PLD5: variants seen among roughly 807,000 people sequenced by gnomAD.
PLD5 encodes inactive phospholipase D5.
In PLD5, 36 loss-of-function variants were observed where a neutral mutation model predicts 61.1. The ratio of observed to expected loss-of-function variants is 0.59; its 90% CI spans 0.45 to 0.78. The LOEUF is 0.78. PLD5 is among the 30% of genes least tolerant of loss of function. The pLI, the probability that PLD5 is intolerant of heterozygous loss-of-function variation, is 0.00. For synonymous variants in PLD5, 243 were observed against 242.8 expected (o/e 1.00, Z -0.01); for missense variants, 515 against 644.4 (o/e 0.80, Z 2.17).
chr1:242,465,136 T>G (rs1667236256), intron 1 of PLD5, among the ~76,000 whole-genome samples: 1 of 152,238 alleles, frequency 6.6e-6, no homozygotes, highest in African/African-American at 2.4e-5. Flanking sequence ...ATGGCTCATT[T>G]TAGGCTACAT....
chr1:242,385,762 T>C (rs1662561867), intron 1 of PLD5, among the ~76,000 whole-genome samples: 2 of 152,184 alleles, frequency 1.3e-5, no homozygotes, highest in Admixed American at 1.3e-4. Context: ...TTAAAATAAA[T>C]GTAGAAGAAA....
intron 1 of PLD5, among the ~76,000 whole-genome samples, chr1:242,440,382 C>T (rs1274872595): frequency 6.6e-6 from 1 of 152,074 alleles, no homozygotes; most frequent in Non-Finnish European, 1.5e-5. Context: ...TTGGAATGAC[C>T]CCTTAGAATG....
intron 1 of PLD5, among the ~76,000 whole-genome samples, chr1:242,438,165 C>T (rs897783297): frequency 7.2e-5 from 11 of 152,108 alleles, no homozygotes; most frequent in African/African-American, 2.7e-4. Context: ...TCCCTAAACT[C>T]TCCTCTGGAT....
At chr1:242,330,001 T>A (rs1224683417) in intron 2 of PLD5, among the ~76,000 whole-genome samples, 1 of 152,216 alleles carries the variant, frequency 6.6e-6, no homozygotes, top group African/African-American at 2.4e-5. Flanking sequence ...TCCCACAGTT[T>A]AAACTGCATA....
intron 5 of PLD5, among the ~76,000 whole-genome samples, chr1:242,125,785 T>C (rs1028942771): frequency 1.3e-5 from 2 of 152,146 alleles, no homozygotes; most frequent in African/African-American, 4.8e-5. Flanking sequence ...ATCTACCATG[T>C]ATGAACCTGT....
intron 1 of PLD5, among the ~76,000 whole-genome samples, chr1:242,355,674 T>C (rs1415812534): frequency 6.6e-6 from 1 of 151,818 alleles, no homozygotes; most frequent in East Asian, 1.9e-4. Flanking sequence ...TTTTATGTTT[T>C]CTTAAGGTGT....
At chr1:242,361,306 A>G (rs4491052) in intron 1 of PLD5, among the ~76,000 whole-genome samples, 5,378 of 152,268 alleles carry the variant, frequency 0.035, 223 homozygotes, top group African/African-American at 0.096. Flanking sequence ...CTATAACAAT[A>G]TAAGGTCATG....
chr1:242,470,875 C>T (rs1167445951), intron 1 of PLD5, among the ~76,000 whole-genome samples: 3 of 152,240 alleles, frequency 2.0e-5, no homozygotes, highest in African/African-American at 4.8e-5. Flanking sequence ...GCTCCGCTTG[C>T]TTGTATCCTG....
chr1:242,428,522 CTT>C (rs1665551762), intron 1 of PLD5, among the ~76,000 whole-genome samples: 2 of 152,294 alleles, frequency 1.3e-5, no homozygotes, highest in African/African-American at 4.8e-5. Context: ...AGTCTCCTGT[CTT>C]TGCAAAATGT....
intron 1 of PLD5, among the ~76,000 whole-genome samples, chr1:242,416,344 T>C (rs575990696): frequency 6.6e-6 from 1 of 152,230 alleles, no homozygotes; most frequent in Non-Finnish European, 1.5e-5. Flanking sequence ...TGTTTGAAAT[T>C]TTCTATGTCA....
chr1:242,524,965 T>C (rs897894727), upstream of PLD5, among the ~76,000 whole-genome samples: 2 of 151,902 alleles, frequency 1.3e-5, no homozygotes, highest in Non-Finnish European at 2.9e-5. Flanking sequence ...TCCTCGGTCC[T>C]GCTGGCTGAG....
chr1:242,524,342 C>T lies in PLD5; in HGVS notation c.-66G>A, dbSNP rs1166007696. Reference sequence around the variant, plus strand: ...GGACGGGCGCGCGGGGAGCCGGGCGCGGAGGGCGAGCGGGAGGCCCAGCGG... The same window carrying T: ...GGACGGGCGCGCGGGGAGCCGGGCGTGGAGGGCGAGCGGGAGGCCCAGCGG... On this transcript the variant is annotated 5_prime_UTR_variant, in exon 1 of 10. Coordinates refer to ENST00000536534, the MANE Select transcript of PLD5 (RefSeq NM_001372062.1). 2 of 1,328,334 alleles carry T rather than the reference C, an allele frequency of 1.5e-6. No homozygotes were observed. The highest frequency in any genetic ancestry group is 1.9e-6 in the Non-Finnish European group (2 of 1,040,328). 82.3% of individuals were successfully genotyped at this position (1,328,334 alleles called of 1,614,324 possible).
chr1:242,355,176 T>A (rs1179428902), intron 1 of PLD5, among the ~76,000 whole-genome samples: 1 of 152,208 alleles, frequency 6.6e-6, no homozygotes, highest in Non-Finnish European at 1.5e-5. Flanking sequence ...GTGATTTTTT[T>A]AGAAAAGTCA....
At chr1:242,223,337 T>C (rs1008803458) in intron 4 of PLD5, among the ~76,000 whole-genome samples, 29 of 152,274 alleles carry the variant, frequency 1.9e-4, no homozygotes, top group Admixed American at 1.6e-3. Context: ...TGGAGCACAG[T>C]AGTGTCATCT....
chr1:242,432,969 A>G (rs1898899), intron 1 of PLD5, among the ~76,000 whole-genome samples: 6,489 of 152,214 alleles, frequency 0.043, 185 homozygotes, highest in Admixed American at 0.081. Context: ...TCTCGTTCCC[A>G]TGTCAAAGTT....
chr1:242,511,315 C>G (rs1214766225), intron 1 of PLD5, among the ~76,000 whole-genome samples: 11 of 152,102 alleles, frequency 7.2e-5, no homozygotes, highest in Admixed American at 7.2e-4. Flanking sequence ...CAAAAAATTA[C>G]AAAGAATAAA....
At chr1:242,232,961 C>G (rs964034842) in intron 4 of PLD5, among the ~76,000 whole-genome samples, 1 of 152,138 alleles carries the variant, frequency 6.6e-6, no homozygotes, top group Admixed American at 6.5e-5. Flanking sequence ...TCGAGACCAG[C>G]CTGGCCAATA....
intron 1 of PLD5, among the ~76,000 whole-genome samples, chr1:242,486,403 T>C (rs1158323929): frequency 6.6e-6 from 1 of 152,036 alleles, no homozygotes; most frequent in Non-Finnish European, 1.5e-5. Context: ...GGGCGAAGGA[T>C]ATGAACAGAC....
In PLD5 at chr1:242,229,968, T is replaced by C. The variant is rs532970425; in HGVS notation, c.608-9853A>G. 2.6e-5 allele frequency among the ~76,000 whole-genome samples: 4 copies of C among 151,740 alleles called. No individual in the cohort carries two copies. The South Asian group carries it at 8.4e-4, about 32-fold the overall frequency. ...CCATTCAGTTCCCCAAGCTACCCAC[T>C]GCCCCATCCCCAGGGGATGTGCAGC... On this transcript the variant is annotated intron_variant, in intron 4 of 9. Coordinates refer to ENST00000536534, the MANE Select transcript of PLD5 (RefSeq NM_001372062.1).
Sources: allele counts gnomAD v4.1 joint callset (sites outside exome capture counted in the v4.1 genomes callset), GRCh38; gene constraint gnomAD v4.1.1; transcripts MANE v1.5; gene names NCBI Gene and HGNC (gene_info 2026-07-23, HGNC 2026-07-21).